Variants in GRIN2B observed in about 807,000 individuals in gnomAD.
GRIN2B encodes the protein glutamate ionotropic receptor NMDA type subunit 2B, also known as glutamate receptor ionotropic, NMDA 2B.
GRIN2B carries 5 observed loss-of-function variants against 114.5 expected under a neutral mutation model. The observed-to-expected ratio is 0.04, with a 90% CI of 0.02 to 0.09. The LOEUF (loss-of-function observed/expected upper bound fraction) is 0.09. GRIN2B is among the 10% of genes least tolerant of loss of function. The pLI is 1.00. For missense variants in GRIN2B, 1,108 were observed against 1,943.5 expected (o/e 0.57, Z 8.08); for synonymous variants, 787 against 745.1 (o/e 1.06, Z -0.92).
rs866473066 is a variant in GRIN2B at position 13,674,052 on chromosome 12, G to T, written c.1125+1693C>A. ...CAAATGATAACTCAGTGGAGGGAGG[G>T]CAACTTTAATCAAGAACATCAGGCA... On this transcript the variant is annotated intron_variant, in intron 5 of 13. Transcript: ENST00000609686. Among the ~76,000 whole-genome samples the T allele has an allele frequency of 5.9e-5, 9 of 152,160 alleles. No individual in the cohort carries two copies. The Middle Eastern group carries it at 0.01, about 173-fold the overall frequency.
At chr12:13,646,429 T>G (rs1445915462) in intron 5 of GRIN2B, among the ~76,000 whole-genome samples, 1 of 152,148 alleles carries the variant, frequency 6.6e-6, no homozygotes. Context: ...GTGGTAGATA[T>G]TATTGTGGAT....
At chr12:13,604,278 C>A (rs780024210) in intron 10 of GRIN2B, among the ~76,000 whole-genome samples, 1 of 152,124 alleles carries the variant, frequency 6.6e-6, no homozygotes, top group Non-Finnish European at 1.5e-5. Flanking sequence ...AATGTGCTAC[C>A]GCAAAATGGA....
chr12:13,885,002 A>G (rs868301213), intron 2 of GRIN2B, among the ~76,000 whole-genome samples: 2 of 152,164 alleles, frequency 1.3e-5, no homozygotes, highest in Non-Finnish European at 2.9e-5. Context: ...GATCACAGAA[A>G]GTAAGAAACC....
intron 4 of GRIN2B, among the ~76,000 whole-genome samples, chr12:13,681,766 TTACTC>T (rs1424405682): frequency 6.6e-6 from 1 of 152,174 alleles, no homozygotes; most frequent in African/African-American, 2.4e-5. Context: ...GTAAAAAAGA[TTACTC>T]TAGTGAAGCA....
intron 2 of GRIN2B, among the ~76,000 whole-genome samples, chr12:13,915,898 T>C (rs1866710058): frequency 6.6e-6 from 1 of 152,048 alleles, no homozygotes; most frequent in South Asian, 2.1e-4. Flanking sequence ...CTATTTCCAG[T>C]GCCCTTCAAT....
At chr12:13,961,538 G>A (rs1271126302) in intron 2 of GRIN2B, among the ~76,000 whole-genome samples, 1 of 152,130 alleles carries the variant, frequency 6.6e-6, no homozygotes, top group Non-Finnish European at 1.5e-5. Flanking sequence ...AAATATGTAG[G>A]AGAAAATGTA....
At chr12:13,920,684 G>A (rs999255448) in intron 2 of GRIN2B, among the ~76,000 whole-genome samples, 31 of 152,276 alleles carry the variant, frequency 2.0e-4, no homozygotes, top group African/African-American at 7.2e-4. Flanking sequence ...CCTGGAAGAC[G>A]TCACTTTGAT....
chr12:13,855,149 C>G (rs1865638601), intron 3 of GRIN2B, among the ~76,000 whole-genome samples: 1 of 151,280 alleles, frequency 6.6e-6, no homozygotes, highest in South Asian at 2.1e-4. Context: ...ACCTGGGAGG[C>G]AAAGGCTTCA....
chr12:13,825,902 C>T (rs1193051151), intron 3 of GRIN2B, among the ~76,000 whole-genome samples: 1 of 152,038 alleles, frequency 6.6e-6, no homozygotes, highest in Admixed American at 6.6e-5. Context: ...GCTTTGTATC[C>T]AATCTGTCAA....
rs149547043 is a variant in GRIN2B at position 13,930,710 on chromosome 12, T to A, written c.-19+49218A>T. Among the ~76,000 whole-genome samples, 5 of 152,290 alleles carry A rather than the reference T, an allele frequency of 3.3e-5. No homozygotes were observed. The East Asian group carries it at 9.6e-4, about 29-fold the overall frequency. On this transcript the variant is annotated intron_variant, in intron 2 of 13. Coordinates refer to ENST00000609686, the MANE Select transcript of GRIN2B (RefSeq NM_000834.5). ...GCAGAGGGAGCTGCTTATAAAAGGA[T>A]GACATCAATCCCCGAGTGACAGAAT...
intron 2 of GRIN2B, among the ~76,000 whole-genome samples, chr12:13,869,241 C>CTTTTTTTTT (rs377460231): frequency 3.0e-4 from 38 of 127,338 alleles, no homozygotes; most frequent in Non-Finnish European, 3.8e-4. Flanking sequence ...CTTTTTTTTT[C>CTTTTTTTTT]TTTTTTTTTT....
rs188439087 is a variant in GRIN2B, at chr12:13,956,324, C to T, written c.-19+23604G>A. Among the ~76,000 whole-genome samples, 9 of 152,196 alleles carry T rather than the reference C, an allele frequency of 5.9e-5. No individual in the cohort carries two copies. The East Asian group carries it at 1.7e-3, about 29-fold the overall frequency. ...AGGAAAACAAGGACTTCATTCTGCA[C>T]GCAATAATGAGCCATTAAAGGCTTC... On this transcript the variant is annotated intron_variant, in intron 2 of 13. Coordinates refer to ENST00000609686, the MANE Select transcript of GRIN2B (RefSeq NM_000834.5).
intron 3 of GRIN2B, among the ~76,000 whole-genome samples, chr12:13,793,364 T>C (rs1449174452): frequency 6.6e-6 from 1 of 151,398 alleles, no homozygotes; most frequent in Non-Finnish European, 1.5e-5. Context: ...GAGGTTGCAG[T>C]GAGCTGAGAT....
At chr12:13,602,340 G>A (rs948031533) in intron 10 of GRIN2B, among the ~76,000 whole-genome samples, 6 of 152,142 alleles carry the variant, frequency 3.9e-5, no homozygotes, top group African/African-American at 1.4e-4. Flanking sequence ...TAGCTCCCTG[G>A]CTAGTTGGTC....
intron 4 of GRIN2B, among the ~76,000 whole-genome samples, chr12:13,682,616 T>C (rs189597701): frequency 9.9e-5 from 15 of 152,206 alleles, no homozygotes; most frequent in Admixed American, 9.8e-4. Flanking sequence ...TGAGATATAT[T>C]AAAGTATCTT....
chr12:13,641,068 C>A (rs1949710052), intron 5 of GRIN2B, among the ~76,000 whole-genome samples: 1 of 143,410 alleles, frequency 7.0e-6, no homozygotes, highest in East Asian at 2.0e-4. Context: ...TTAATTGTAT[C>A]ATGCTTATTA....
intron 12 of GRIN2B, among the ~76,000 whole-genome samples, chr12:13,568,805 C>T (rs1948672033): frequency 6.6e-6 from 1 of 152,298 alleles, no homozygotes; most frequent in East Asian, 1.9e-4. Context: ...AAGAGGGATG[C>T]AGAAGACAGG....
intron 5 of GRIN2B, among the ~76,000 whole-genome samples, chr12:13,637,607 C>G (rs2216216): frequency 3.3e-5 from 5 of 152,122 alleles, no homozygotes; most frequent in Admixed American, 3.3e-4. Flanking sequence ...AGTCAGAATT[C>G]TCTCAAAATG....
intron 10 of GRIN2B, among the ~76,000 whole-genome samples, chr12:13,586,097 G>A (rs900849845): frequency 1.3e-5 from 2 of 152,104 alleles, no homozygotes; most frequent in African/African-American, 4.8e-5. Context: ...TTGACTAAGG[G>A]TTAAGCCAAA....
Sources: allele counts gnomAD v4.1 joint callset (sites outside exome capture counted in the v4.1 genomes callset), GRCh38; gene constraint gnomAD v4.1.1; transcripts MANE v1.5; gene names NCBI Gene and HGNC (gene_info 2026-07-23, HGNC 2026-07-21).